PLD2: variants seen among roughly 807,000 people sequenced by gnomAD.
The protein encoded by PLD2 is phospholipase D2, also known as choline phosphatase 2.
Under a neutral mutation model 119.8 loss-of-function variants are expected in PLD2, and 101 were observed. The observed-to-expected ratio is 0.84, with a 90% confidence interval of 0.72 to 0.99. The LOEUF is 0.99. Among genes scored for constraint, PLD2 ranks in the 50% least tolerant of loss-of-function variants. PLD2 has a pLI of 0.00. For synonymous variants in PLD2, 494 were observed against 482.8 expected, an observed-to-expected ratio of 1.02 and a Z score of -0.30; for missense variants, 1,164 against 1,226.8, an observed-to-expected ratio of 0.95 and a Z score of 0.76.
In PLD2 at chr17:4,819,867, G is replaced by T. The variant is rs1194270964; in HGVS notation, c.2462+285G>T. Among the ~76,000 whole-genome samples the T allele has an allele frequency of 6.6e-6, 1 of 152,128 alleles. No individual in the cohort carries two copies. Among genetic ancestry groups the T allele is most frequent in the Non-Finnish European group, 1.5e-5 (1 of 68,010 alleles). ...CAAAAAATCAGCTGGGTGTGGTGGC[G>T]GGCGCCTGTGATCCCAGCTACTAGG... On this transcript the variant is annotated intron_variant, in intron 23 of 24. Coordinates refer to ENST00000263088, the MANE Select transcript of PLD2 (RefSeq NM_002663.5). The surrounding 1 kb of genome is among the most constrained non-coding windows in gnomAD (Gnocchi z 4.2).
chr17:4,821,936 T>C, intron 24 of PLD2, 29 bp downstream of exon 24: 1 of 1,447,380 alleles, frequency 6.9e-7, no homozygotes. Flanking sequence ...TGGGGGAGAG[T>C]GGCCTGGGGA....
chr17:4,817,313 C>G, intron 17 of PLD2, 54 bp downstream of exon 17: 1 of 1,114,860 alleles, frequency 9.0e-7, no homozygotes, highest in Non-Finnish European at 1.4e-6. Flanking sequence ...AGCCTAACAC[C>G]CCAACCCACT....
At position 4,819,544 on chromosome 17, in the gene PLD2, G is replaced by A. The variant is rs768734344; in HGVS notation, c.2424G>A (p.Ala808=). The A allele has an allele frequency of 7.4e-6, 12 of 1,613,726 alleles. No homozygotes were observed. The highest frequency in any genetic ancestry group is 1.1e-5 in the South Asian group (1 of 91,050). Residue 808 remains alanine, a synonymous_variant, in exon 23 of 25, where the codon GCG becomes GCA. Transcript: ENST00000263088. This position sits in a 1 kb window ranked among gnomAD's most constrained non-coding sequence, Gnocchi z 4.2. The stretch of plus-strand genomic sequence containing the variant: ...TCATGAATGGGGCAGAGTATCAGGC[G>A]GGCAGGTTTGCCTTGAGTCTGCGGA... The part of the protein sequence containing the change: ...PSLMNGAEYQ[A]GRFALSLRKH...
chr17:4,815,444 C>A, intron 12 of PLD2, 32 bp from the exon 13 acceptor site: 1 of 1,291,278 alleles, frequency 7.7e-7, no homozygotes, highest in Non-Finnish European at 1.1e-6. Context: ...CTGGGAGAGG[C>A]ACTAGGATCT....
chr17:4,818,799 A>T lies in PLD2; in HGVS notation c.2149A>T (p.Ile717Phe), dbSNP rs1393502950. The change falls in exon 21 of 25, where the codon ATC (isoleucine) becomes TTC (phenylalanine). Residue 717 changes from isoleucine (I) to phenylalanine (F), a missense_variant. Coordinates refer to ENST00000263088, the MANE Select transcript of PLD2 (RefSeq NM_002663.5). ...YRTLCRGEYSILHRLKAAMGT... is the reference protein window; with the variant it reads ...YRTLCRGEYSFLHRLKAAMGT... ...GACCCTGTGTCGTGGGGAGTATTCA[A>T]TCCTGCATCGCCTTAAAGCAGCCAG... is the stretch of plus-strand genomic sequence containing the variant. 7 of 1,613,836 alleles carry T rather than the reference A, an allele frequency of 4.3e-6. No individual in the cohort carries two copies. In the East Asian group the frequency reaches 1.3e-4, roughly 31 times the overall value.
chr17:4,817,023 C>T lies in PLD2; in HGVS notation c.1669C>T (p.Arg557Trp), dbSNP rs750987484. ...VHGLPARDLA[R>W]HFIQRWNFTK... ...TGGCCTACCGGCCCGGGACCTTGCCCGGCACTTCATCCAGCGCTGGAACTT... is the reference window on the plus strand; with the variant it reads ...TGGCCTACCGGCCCGGGACCTTGCCTGGCACTTCATCCAGCGCTGGAACTT... Residue 557 changes from arginine to tryptophan, a missense_variant, in exon 16 of 25, where the codon CGG becomes TGG. Arg to Trp is a moderately radical substitution (Grantham distance 101). Coordinates refer to ENST00000263088, the MANE Select transcript of PLD2 (RefSeq NM_002663.5). 2.7e-5 allele frequency: 44 copies of T among 1,613,842 alleles called. No individual in the cohort carries two copies. Among genetic ancestry groups the T allele is most frequent in the South Asian group, 1.1e-4 (10 of 91,070 alleles).
Position 4,818,803 on chromosome 17 carries a change from T to C in PLD2, c.2153T>C (p.Leu718Pro), listed in dbSNP as rs759214673. ...CTGTGTCGTGGGGAGTATTCAATCC[T>C]GCATCGCCTTAAAGCAGCCAGTGAG... ...RTLCRGEYSI[L>P]HRLKAAMGTA... Residue 718 changes from leucine to proline, a missense_variant, in exon 21 of 25, where the codon CTG becomes CCG. Coordinates refer to ENST00000263088, the MANE Select transcript of PLD2 (RefSeq NM_002663.5). The C allele has an allele frequency of 6.2e-7, 1 of 1,614,140 alleles. No homozygotes were observed. The highest frequency in any genetic ancestry group is 1.1e-5 in the South Asian group (1 of 91,082).
chr17:4,817,528 G>A (rs530319282), intron 17 of PLD2, among the ~76,000 whole-genome samples: 33 of 151,560 alleles, frequency 2.2e-4, no homozygotes, highest in Non-Finnish European at 3.4e-4. Flanking sequence ...CGGGCGTGGT[G>A]GTGCGTACCT....
At chr17:4,815,042 T>G (rs895617937) in intron 12 of PLD2, among the ~76,000 whole-genome samples, 5 of 152,014 alleles carry the variant, frequency 3.3e-5, no homozygotes, top group African/African-American at 1.2e-4. Flanking sequence ...GTACCTGCCA[T>G]GGAGGGGGCA....
At chr17:4,821,454 C>T (rs1481437215) in intron 23 of PLD2, among the ~76,000 whole-genome samples, 1 of 151,866 alleles carries the variant, frequency 6.6e-6, no homozygotes, top group Non-Finnish European at 1.5e-5. Context: ...AGTTCAGTGG[C>T]GTTACCACGG....
intron 13 of PLD2, 68 bp downstream of exon 13, chr17:4,815,654 G>A (rs561438976): frequency 8.2e-6 from 13 of 1,580,934 alleles, no homozygotes; most frequent in Middle Eastern, 1.8e-4. Context: ...AGCCCCCAGC[G>A]CTCCCGCTCC....
In PLD2 at chr17:4,808,446, G is replaced by T. The variant is rs1462770741; in HGVS notation, c.383+30G>T. The T allele has an allele frequency of 3.1e-6, 5 of 1,604,466 alleles. No homozygotes were observed. Among genetic ancestry groups the T allele is most frequent in the Non-Finnish European group, 3.4e-6 (4 of 1,174,068 alleles). On this transcript the variant is annotated intron_variant, in intron 4 of 24. Coordinates refer to ENST00000263088, the MANE Select transcript of PLD2 (RefSeq NM_002663.5). The surrounding 1 kb of genome is among the most constrained non-coding windows in gnomAD (Gnocchi z 4.1). The stretch of plus-strand genomic sequence containing the variant: ...GGGCGACCGGACTGCTTCCTGTAGA[G>T]GGCAGGTGCTCCCCACCCTCCTTTC...
rs935496455 is a variant in PLD2, at chr17:4,808,906, C to T, written c.384-194C>T. 2.0e-5 allele frequency among the ~76,000 whole-genome samples: 3 copies of T among 152,094 alleles called. No individual in the cohort carries two copies. Among genetic ancestry groups the T allele is most frequent in the South Asian group, 4.1e-4 (2 of 4,824 alleles). ...ATGGGGTGCTGCTGTGTTGCCCAGG[C>T]TGGTCTTAAATTCCTGAGCTCAAGT... is the stretch of plus-strand genomic sequence containing the variant. On this transcript the variant is annotated intron_variant, in intron 4 of 24. Coordinates refer to ENST00000263088, the MANE Select transcript of PLD2 (RefSeq NM_002663.5). The surrounding 1 kb of genome is among the most constrained non-coding windows in gnomAD (Gnocchi z 4.1).
Position 4,818,125 on chromosome 17 carries a change from G to T in PLD2, c.1920+19G>T, listed in dbSNP as rs780032984. 6.3e-7 allele frequency: 1 copy of T among 1,577,676 alleles called. No individual in the cohort carries two copies. On this transcript the variant is annotated intron_variant, in intron 18 of 24. Coordinates refer to ENST00000263088, the MANE Select transcript of PLD2 (RefSeq NM_002663.5). The stretch of plus-strand genomic sequence containing the variant: ...CATTGAGGTCTGACTGGGAGGAGGT[G>T]GGGGAGAGCATGGAAGGGGTGTCCC...
intron 20 of PLD2, 58 bp from the exon 21 acceptor site, chr17:4,818,716 C>A (rs1389550665): frequency 6.2e-6 from 10 of 1,603,384 alleles, no homozygotes; most frequent in Non-Finnish European, 7.7e-6. Context: ...GGCCACCTCT[C>A]CTGACCTCCC....
rs1423368367 is a variant in PLD2 at position 4,823,048 on chromosome 17, A to G, written c.*184A>G. The G allele has an allele frequency of 3.5e-6, 2 of 571,146 alleles. No individual in the cohort carries two copies. Among genetic ancestry groups the G allele is most frequent in the Non-Finnish European group, 3.1e-6 (1 of 320,592 alleles). 35.4% of individuals were successfully genotyped at this position (571,146 alleles called of 1,614,324 possible). On this transcript the variant is annotated 3_prime_UTR_variant, in exon 25 of 25. Transcript: ENST00000263088. ...GAAATAGCTGAAAAGGGCACTCCCA[A>G]CCCTGGGCTGGGGAGGAGGAGAGAG...
intron 14 of PLD2, 111 bp downstream of exon 14, chr17:4,816,045 AG>A: frequency 1.2e-6 from 1 of 811,220 alleles, no homozygotes. Context: ...TGCCAACCTC[AG>A]GGTTCCTCAG....
rs1447892469 is a variant in PLD2, at chr17:4,809,790, G to A, written c.707+7G>A. 1 of 1,614,160 alleles carries A rather than the reference G, an allele frequency of 6.2e-7. No individual in the cohort carries two copies. The highest frequency in any genetic ancestry group is 1.3e-5 in the African/African-American group (1 of 75,046). On this transcript the variant is annotated splice_region_variant and intron_variant, in intron 8 of 24. Transcript: ENST00000263088. ...GTTATCGCTGGTCCAAGAGGTACGG[G>A]CTATGGCCAAGCAGCTGGGCAGTGG...
At chr17:4,821,953 T>C in intron 24 of PLD2, 46 bp downstream of exon 24, 2 of 1,206,088 alleles carry the variant, frequency 1.7e-6, no homozygotes, top group South Asian at 2.4e-5. Flanking sequence ...GGGAAATTTG[T>C]GGATTATCCT....
Sources: gnomAD v4.1 joint callset for allele counts (sites outside exome capture counted in the v4.1 genomes callset) on GRCh38, gnomAD v4.1.1 for gene constraint, Gnocchi (gnomAD v3.1) non-coding constraint, MANE v1.5 for transcripts, NCBI Gene and HGNC (gene_info 2026-07-23, HGNC 2026-07-21) for gene names.